The following CTNND2 variants were observed in gnomAD, a reference collection of about 807,000 sequenced individuals.
CTNND2 encodes catenin delta-2.
In CTNND2, 22 loss-of-function variants were observed where a neutral mutation model predicts 144.4. That is an observed-to-expected ratio of 0.15 (90% CI 0.11 to 0.22). CTNND2 has a LOEUF of 0.22. Ranked by LOEUF, CTNND2 falls within the 10% of genes least tolerant of loss-of-function variation. CTNND2 has a pLI of 1.00. For missense variants in CTNND2, 1,353 were observed against 1,618.8 expected, an observed-to-expected ratio of 0.84 and a Z score of 2.82; for synonymous variants, 751 against 695.6, an observed-to-expected ratio of 1.08 and a Z score of -1.25.
intron 2 of CTNND2, among the ~76,000 whole-genome samples, chr5:11,699,935 G>A (rs984762073): frequency 6.6e-6 from 1 of 152,182 alleles, no homozygotes; most frequent in South Asian, 2.1e-4. Flanking sequence ...TGTAGTAGAG[G>A]GAGTCGGATA....
intron 3 of CTNND2, among the ~76,000 whole-genome samples, chr5:11,521,978 T>A (rs915154022): frequency 1.8e-4 from 28 of 152,164 alleles, no homozygotes; most frequent in Non-Finnish European, 3.2e-4. Context: ...ATATAGTCTA[T>A]CCAGCTGTAT....
At chr5:11,434,236 A>G (rs1023333303) in intron 3 of CTNND2, among the ~76,000 whole-genome samples, 20 of 152,358 alleles carry the variant, frequency 1.3e-4, no homozygotes, top group African/African-American at 4.8e-4. Context: ...AAAACATGCC[A>G]TTGATTCCAT....
intron 9 of CTNND2, among the ~76,000 whole-genome samples, chr5:11,325,374 T>C (rs1206876412): frequency 2.0e-5 from 3 of 152,136 alleles, no homozygotes; most frequent in South Asian, 2.1e-4. Context: ...GTTATCATCA[T>C]GTGGGCATCA....
At chr5:11,547,699 A>G (rs1435321109) in intron 3 of CTNND2, among the ~76,000 whole-genome samples, 1 of 152,248 alleles carries the variant, frequency 6.6e-6, no homozygotes, top group African/African-American at 2.4e-5. Context: ...GCAAACTTCA[A>G]GCTCACCAGA....
chr5:11,273,750 T>C (rs1746252368), intron 9 of CTNND2, among the ~76,000 whole-genome samples: 1 of 152,184 alleles, frequency 6.6e-6, no homozygotes, highest in Non-Finnish European at 1.5e-5. Context: ...TCATGTTTAT[T>C]GCACTTGGGA....
chr5:11,512,694 T>A (rs934241193), intron 3 of CTNND2, among the ~76,000 whole-genome samples: 4 of 152,222 alleles, frequency 2.6e-5, no homozygotes, highest in African/African-American at 9.6e-5. Flanking sequence ...AGTATTAGCA[T>A]GGTAAGTGAT....
chr5:11,331,159 T>C (rs541077586), intron 9 of CTNND2, among the ~76,000 whole-genome samples: 21 of 152,322 alleles, frequency 1.4e-4, no homozygotes, highest in Non-Finnish European at 2.6e-4. Flanking sequence ...TCTTTTCTAA[T>C]ATAACTGAGC....
intron 19 of CTNND2, among the ~76,000 whole-genome samples, chr5:10,991,975 T>G (rs1738727081): frequency 6.6e-6 from 1 of 152,230 alleles, no homozygotes; most frequent in Non-Finnish European, 1.5e-5. Context: ...TGGGGTGCAG[T>G]GGCGCGATCT....
chr5:11,204,058 C>T (rs1737789312), intron 10 of CTNND2, among the ~76,000 whole-genome samples: 1 of 152,126 alleles, frequency 6.6e-6, no homozygotes, highest in African/African-American at 2.4e-5. Context: ...CAATGGCTCA[C>T]ATTTATTTTT....
intron 9 of CTNND2, among the ~76,000 whole-genome samples, chr5:11,336,872 C>CTTTTAT (rs1259597333): frequency 6.6e-6 from 1 of 151,956 alleles, no homozygotes; most frequent in Non-Finnish European, 1.5e-5. Flanking sequence ...ACACACATAA[C>CTTTTAT]TTTCTTTAAT....
intron 8 of CTNND2, among the ~76,000 whole-genome samples, chr5:11,360,065 T>C (rs530354685): frequency 6.6e-6 from 1 of 152,226 alleles, no homozygotes; most frequent in East Asian, 1.9e-4. Flanking sequence ...GGAGGACCTG[T>C]TTGATTACAA....
chr5:11,273,665 C>T (rs1292740818), intron 9 of CTNND2, among the ~76,000 whole-genome samples: 2 of 152,128 alleles, frequency 1.3e-5, no homozygotes, highest in East Asian at 1.9e-4. Context: ...GAGCTGTTCC[C>T]GTCTCCTTGC....
At chr5:11,732,869 A>G (rs2126744015) in intron 1 of CTNND2, among the ~76,000 whole-genome samples, 1 of 152,020 alleles carries the variant, frequency 6.6e-6, no homozygotes, top group Non-Finnish European at 1.5e-5. Flanking sequence ...ATTGTGGGTC[A>G]TAAGATCCTC....
chr5:11,112,800 C>T (rs567883375), intron 13 of CTNND2, among the ~76,000 whole-genome samples: 1 of 152,292 alleles, frequency 6.6e-6, no homozygotes, highest in Non-Finnish European at 1.5e-5. Flanking sequence ...AGTGCTTAAT[C>T]TTTCTGTACT....
At chr5:11,458,179 G>C (rs1765895017) in intron 3 of CTNND2, among the ~76,000 whole-genome samples, 1 of 152,128 alleles carries the variant, frequency 6.6e-6, no homozygotes. Flanking sequence ...TCCTCACCAA[G>C]GGGTCTACTC....
At chr5:11,477,848 G>T (rs1328918602) in intron 3 of CTNND2, among the ~76,000 whole-genome samples, 1 of 152,200 alleles carries the variant, frequency 6.6e-6, no homozygotes, top group East Asian at 1.9e-4. Flanking sequence ...TGGTAAAGAA[G>T]AGAATGTTGT....
At chr5:11,395,874 T>G (rs1034507363) in intron 6 of CTNND2, among the ~76,000 whole-genome samples, 1 of 152,190 alleles carries the variant, frequency 6.6e-6, no homozygotes, top group Non-Finnish European at 1.5e-5. Context: ...TGCACCAGGC[T>G]GTTAACCCTC....
intron 1 of CTNND2, among the ~76,000 whole-genome samples, chr5:11,742,551 T>C (rs1450332978): frequency 6.6e-6 from 1 of 152,094 alleles, no homozygotes; most frequent in Non-Finnish European, 1.5e-5. Flanking sequence ...AAAACAAATG[T>C]TGGCAAAATA....
chr5:11,246,071 T>C (rs924776971), intron 9 of CTNND2, among the ~76,000 whole-genome samples: 2 of 152,192 alleles, frequency 1.3e-5, no homozygotes, highest in Non-Finnish European at 2.9e-5. Flanking sequence ...ACCCTCTCAC[T>C]CCTCCAAACA....
Sources: gnomAD v4.1 joint callset for allele counts (sites outside exome capture counted in the v4.1 genomes callset) on GRCh38, gnomAD v4.1.1 for gene constraint, MANE v1.5 for transcripts, NCBI Gene and HGNC (gene_info 2026-07-23, HGNC 2026-07-21) for gene names.